Variants in MGAM observed in about 807,000 individuals in gnomAD.
MGAM encodes the protein alpha-1,4-glucosidase.
A neutral mutation model predicts 358.8 loss-of-function variants in MGAM; 253 were observed. The observed-to-expected ratio is 0.71, with a 90% CI of 0.64 to 0.78. MGAM has a LOEUF of 0.78. Ranked by LOEUF, MGAM falls within the 30% of genes least tolerant of loss-of-function variation. The pLI is 0.00. For missense variants in MGAM, 3,080 were observed against 3,432.6 expected (o/e 0.90, Z 2.57); for synonymous variants, 1,105 against 1,227.1 (o/e 0.90, Z 2.08).
rs140673855 is a variant in MGAM at position 142,020,507 on chromosome 7, G to A, written c.449-467G>A. ...AGAATCTGCCATAGATAGTATGTGCGTATGATGGGGTATATATCTGTCTTT... is the reference window on the plus strand; with the variant it reads ...AGAATCTGCCATAGATAGTATGTGCATATGATGGGGTATATATCTGTCTTT... On this transcript the variant is annotated intron_variant, in intron 4 of 70. Transcript: ENST00000475668. 3.1e-3 allele frequency among the ~76,000 whole-genome samples: 474 copies of A among 151,474 alleles called. 1 individual carries two copies. Among genetic ancestry groups the A allele is most frequent in the Non-Finnish European group, 4.8e-3 (327 of 67,888 alleles).
chr7:142,101,156 G>A (rs1816407873), intron 68 of MGAM, among the ~76,000 whole-genome samples: 2 of 152,146 alleles, frequency 1.3e-5, no homozygotes, highest in Admixed American at 1.3e-4. Context: ...AAGTTTATTT[G>A]TAGCCAGCGG....
At chr7:142,063,824 G>T (rs114563588) in intron 36 of MGAM, among the ~76,000 whole-genome samples, 22 of 152,304 alleles carry the variant, frequency 1.4e-4, no homozygotes, top group African/African-American at 5.3e-4. Flanking sequence ...AGAGCTCATG[G>T]CACAAAGGGT....
At chr7:142,011,033 A>C (rs1554454215) in intron 3 of MGAM, among the ~76,000 whole-genome samples, 1 of 152,180 alleles carries the variant, frequency 6.6e-6, no homozygotes, top group African/African-American at 2.4e-5. Context: ...CAGGGCTATA[A>C]AGCACTGTGT....
intron 22 of MGAM, among the ~76,000 whole-genome samples, chr7:142,048,299 C>T (rs1189683234): frequency 1.3e-5 from 2 of 151,728 alleles, no homozygotes; most frequent in African/African-American, 4.8e-5. Context: ...CAGGTGCCTA[C>T]CACCATGCCT....
At chr7:142,024,393 G>A (rs1190036711) in intron 7 of MGAM, among the ~76,000 whole-genome samples, 2 of 143,434 alleles carry the variant, frequency 1.4e-5, no homozygotes, top group Non-Finnish European at 1.5e-5. Flanking sequence ...CAGTCTGGGC[G>A]ACAGAGTGAG....
intron 6 of MGAM, 91 bp downstream of exon 6, chr7:142,021,828 T>C: frequency 7.3e-7 from 1 of 1,370,886 alleles, no homozygotes; most frequent in Middle Eastern, 1.8e-4. Flanking sequence ...ACAATATTCC[T>C]GAAGGTTGTG....
intron 26 of MGAM, 89 bp downstream of exon 26, chr7:142,053,073 G>A (rs1811171975): frequency 1.4e-6 from 2 of 1,391,240 alleles, no homozygotes; most frequent in Non-Finnish European, 2.0e-6. Flanking sequence ...CCTAAAATAA[G>A]TTAATCATGC....
chr7:142,005,456 T>G, intron 1 of MGAM, 73 bp from the exon 2 acceptor site: 1 of 1,137,852 alleles, frequency 8.8e-7, no homozygotes, highest in Non-Finnish European at 1.2e-6. Flanking sequence ...CATTTGAGCT[T>G]TTCCATTAAA....
chr7:142,082,654 T>G (rs1232706339), intron 52 of MGAM, 83 bp downstream of exon 52: 1 of 1,120,328 alleles, frequency 8.9e-7, no homozygotes, highest in Non-Finnish European at 1.3e-6. Flanking sequence ...GCCTAACTGT[T>G]CCTTGAAGTC....
chr7:142,034,278 C>T lies in MGAM; in HGVS notation c.1686C>T (p.Tyr562=). 1 of 1,593,858 alleles carries T rather than the reference C, an allele frequency of 6.3e-7. No homozygotes were observed. The highest frequency in any genetic ancestry group is 8.6e-7 in the Non-Finnish European group (1 of 1,169,578). ...TTGTTTCAGGAATCCTGGATGGGTA[C>T]CTGTTCTGCAAGACTCTCTGTATGG... is the stretch of plus-strand genomic sequence containing the variant. The part of the protein sequence containing the change: ...PPFTPRILDG[Y]LFCKTLCMDA... Residue 562 remains tyrosine, a synonymous_variant, in exon 15 of 71, where the codon TAC becomes TAT. Transcript: ENST00000475668.
intron 21 of MGAM, among the ~76,000 whole-genome samples, chr7:142,043,137 T>G (rs1363420632): frequency 2.9e-4 from 6 of 20,822 alleles, no homozygotes; most frequent in Admixed American, 1.2e-3. Flanking sequence ...ATATTATATA[T>G]ACATATAATA....
At chr7:142,088,645 T>C (rs1814992972) in intron 57 of MGAM, among the ~76,000 whole-genome samples, 1 of 127,828 alleles carries the variant, frequency 7.8e-6, no homozygotes, top group Admixed American at 8.4e-5. Flanking sequence ...TATCTATCTT[T>C]CTATCTGTCT....
At position 142,008,673 on chromosome 7, in the gene MGAM, A is replaced by G. The variant is rs1805358165; in HGVS notation, c.295A>G (p.Ile99Val). Residue 99 changes from isoleucine to valine, a missense_variant, in exon 3 of 71, where the codon ATT becomes GTT. Physicochemically the swap from Ile to Val is conservative, Grantham distance 29. Coordinates refer to ENST00000475668, the MANE Select transcript of MGAM (RefSeq NM_001365693.1). ...ECPVVNELER[I>V]NCIPDQPPTK... is the part of the protein sequence containing the mutation. ...TCCAGTGGTAAATGAATTGGAACGA[A>G]TTAATTGCATCCCTGACCAGCCGCC... The G allele has an allele frequency of 6.2e-7, 1 of 1,613,466 alleles. No homozygotes were observed. Among genetic ancestry groups the G allele is most frequent in the African/African-American group, 1.3e-5 (1 of 75,014 alleles).
chr7:142,077,349 G>A (rs537552262), intron 47 of MGAM, among the ~76,000 whole-genome samples: 1 of 145,272 alleles, frequency 6.9e-6, no homozygotes, highest in Admixed American at 7.0e-5. Flanking sequence ...AGTGGGAGTG[G>A]GGGCTGGGGA....
chr7:142,034,254 T>C lies in MGAM; in HGVS notation c.1670-8T>C. 6.4e-7 allele frequency: 1 copy of C among 1,565,854 alleles called. No individual in the cohort carries two copies. The highest frequency in any genetic ancestry group is 2.3e-5 in the East Asian group (1 of 43,170). On this transcript the variant is annotated splice_region_variant and splice_polypyrimidine_tract_variant and intron_variant, in intron 14 of 70. Transcript: ENST00000475668. Reference sequence around the variant, plus strand: ...GGCTCTCACTGATTGATCCTGCTTTTGTTTCAGGAATCCTGGATGGGTACC... The same window carrying C: ...GGCTCTCACTGATTGATCCTGCTTTCGTTTCAGGAATCCTGGATGGGTACC...
In MGAM at chr7:142,071,637, G is replaced by A. The variant is rs933059475; in HGVS notation, c.5186+519G>A. Among the ~76,000 whole-genome samples the A allele has an allele frequency of 4.1e-5, 6 of 145,736 alleles. 1 individual carries two copies. In the East Asian group the frequency reaches 1.2e-3, roughly 30 times the overall value. ...TCAGTTGATGCCTCTATCTGCCTTG[G>A]CCACACTGCTCACCCATGTTTCTTT... On this transcript the variant is annotated intron_variant, in intron 44 of 70. Coordinates refer to ENST00000475668, the MANE Select transcript of MGAM (RefSeq NM_001365693.1).
At chr7:142,017,723 C>T (rs1554456752) in intron 3 of MGAM, among the ~76,000 whole-genome samples, 1 of 152,072 alleles carries the variant, frequency 6.6e-6, no homozygotes, top group African/African-American at 2.4e-5. Flanking sequence ...GCAGTATAAA[C>T]CACATATGGA....
intron 67 of MGAM, among the ~76,000 whole-genome samples, chr7:142,100,298 G>T (rs1156249552): frequency 6.6e-6 from 1 of 152,166 alleles, no homozygotes; most frequent in African/African-American, 2.4e-5. Context: ...TGAGCAAAAA[G>T]GCTAAGTGAT....
intron 36 of MGAM, 101 bp downstream of exon 36, chr7:142,063,687 T>C (rs1812454310): frequency 1.5e-6 from 2 of 1,329,736 alleles, no homozygotes; most frequent in Admixed American, 2.1e-5. Flanking sequence ...GGGCACATCC[T>C]CATGGCTGCT....
Sources: allele counts gnomAD v4.1 joint callset (sites outside exome capture counted in the v4.1 genomes callset), GRCh38; gene constraint gnomAD v4.1.1; transcripts MANE v1.5; gene names NCBI Gene and HGNC (gene_info 2026-07-23, HGNC 2026-07-21).